The following NCAM1 variants were observed in gnomAD, a reference collection of about 807,000 sequenced individuals.
The protein encoded by NCAM1 is neural cell adhesion molecule 1, also known as antigen recognized by monoclonal antibody 5.1H11.
Under a neutral mutation model 109.8 loss-of-function variants are expected in NCAM1, and 14 were observed. That is an observed-to-expected ratio of 0.13 (90% CI 0.08 to 0.20). NCAM1 has a LOEUF of 0.20. Among genes scored for constraint, NCAM1 ranks in the 10% least tolerant of loss-of-function variants. The pLI, the probability that NCAM1 is intolerant of heterozygous loss-of-function variation, is 1.00. For synonymous variants in NCAM1, 418 were observed against 442.9 expected, an observed-to-expected ratio of 0.94 and a Z score of 0.70; for missense variants, 774 against 1,109.9, an observed-to-expected ratio of 0.70 and a Z score of 4.30.
At chr11:113,259,705 T>C in intron 16 of NCAM1, among the ~76,000 whole-genome samples, 1 of 149,128 alleles carries the variant, frequency 6.7e-6, no homozygotes, top group African/African-American at 2.5e-5. Flanking sequence ...CATTGCTTTT[T>C]TTTTTTTTTT....
chr11:113,225,976 A>G (rs1468540330), intron 9 of NCAM1, among the ~76,000 whole-genome samples: 2 of 152,312 alleles, frequency 1.3e-5, no homozygotes, highest in Non-Finnish European at 2.9e-5. Context: ...CACTGCAAAA[A>G]CATGCCAAAT....
intron 1 of NCAM1, among the ~76,000 whole-genome samples, chr11:113,069,629 G>A (rs1221732136): frequency 6.6e-6 from 1 of 152,244 alleles, no homozygotes; most frequent in South Asian, 2.1e-4. Flanking sequence ...AGAGGCAGGT[G>A]CAAGTTTTTA....
chr11:113,212,290 T>G (rs1944411245), intron 7 of NCAM1, among the ~76,000 whole-genome samples: 1 of 152,194 alleles, frequency 6.6e-6, no homozygotes. Flanking sequence ...GTGGGAAGCT[T>G]CCCTTCCTTC....
rs1950641761 is a variant in NCAM1 at position 112,963,783 on chromosome 11, A to G, written c.52+2119A>G. Among the ~76,000 whole-genome samples, 2 of 152,232 alleles carry G rather than the reference A, an allele frequency of 1.3e-5. No homozygotes were observed. The highest frequency in any genetic ancestry group is 4.1e-4 in the South Asian group (2 of 4,822). ...TTCCATCATCGTGATGGGTACAGTCATCAGTATTTGGATCCCGTGGAAGTT... is the reference window on the plus strand; with the variant it reads ...TTCCATCATCGTGATGGGTACAGTCGTCAGTATTTGGATCCCGTGGAAGTT... On this transcript the variant is annotated intron_variant, in intron 1 of 19. Coordinates refer to ENST00000316851, the MANE Select transcript of NCAM1 (RefSeq NM_181351.5). The surrounding 1 kb of genome is among the most constrained non-coding windows in gnomAD (Gnocchi z 4.6).
At chr11:113,059,232 A>G (rs938319735) in intron 1 of NCAM1, among the ~76,000 whole-genome samples, 1 of 152,210 alleles carries the variant, frequency 6.6e-6, no homozygotes, top group Admixed American at 6.5e-5. Context: ...GAGCTCAACC[A>G]AAATCTCTTT....
intron 1 of NCAM1, among the ~76,000 whole-genome samples, chr11:113,145,274 T>C (rs1941975016): frequency 6.6e-6 from 1 of 152,228 alleles, no homozygotes; most frequent in Non-Finnish European, 1.5e-5. Flanking sequence ...GATTATTCTT[T>C]ATATTTGAAT....
chr11:113,007,994 T>TA (rs781266227), intron 1 of NCAM1, among the ~76,000 whole-genome samples: 5 of 152,246 alleles, frequency 3.3e-5, no homozygotes, highest in Non-Finnish European at 5.9e-5. Context: ...AGGTGGAAAA[T>TA]AAAAAAATTT....
intron 1 of NCAM1, among the ~76,000 whole-genome samples, chr11:113,012,940 T>G (rs1555074732): frequency 6.6e-6 from 1 of 152,106 alleles, no homozygotes; most frequent in Non-Finnish European, 1.5e-5. Context: ...AAAAGGATAA[T>G]GATGTCTACA....
At chr11:113,231,591 C>T (rs1296475099) in intron 9 of NCAM1, 54 bp from the exon 10 acceptor site, 2 of 1,573,250 alleles carry the variant, frequency 1.3e-6, no homozygotes, top group Middle Eastern at 2.0e-4. Flanking sequence ...AGCACTGTTG[C>T]CCTTCACCCT....
intron 1 of NCAM1, chr11:113,197,210 G>A: frequency 7.6e-6 from 2 of 261,836 alleles, no homozygotes; most frequent in South Asian, 3.6e-5. Context: ...TTCGTGATGA[G>A]ATTTGGGTGG....
chr11:113,186,646 G>A (rs1302896413), intron 1 of NCAM1, among the ~76,000 whole-genome samples: 6 of 152,150 alleles, frequency 3.9e-5, no homozygotes, highest in African/African-American at 1.4e-4. Flanking sequence ...GCACTCTGGG[G>A]GCCTGGGTTG....
intron 7 of NCAM1, among the ~76,000 whole-genome samples, chr11:113,208,589 T>G (rs1223544977): frequency 2.0e-5 from 3 of 151,948 alleles, no homozygotes; most frequent in Non-Finnish European, 4.4e-5. Flanking sequence ...CAAACTCACC[T>G]TCTCAGCGGC....
chr11:113,237,891 G>GATAT (rs1362698578), intron 14 of NCAM1, among the ~76,000 whole-genome samples: 1 of 31,356 alleles, frequency 3.2e-5, no homozygotes, highest in African/African-American at 9.1e-5. Flanking sequence ...TAGATATATA[G>GATAT]ATATAGATAT....
intron 1 of NCAM1, among the ~76,000 whole-genome samples, chr11:113,176,329 G>A (rs1219370568): frequency 6.6e-6 from 1 of 152,142 alleles, no homozygotes; most frequent in African/African-American, 2.4e-5. Context: ...AAGCAAAGGT[G>A]TATGGTAAAG....
Position 113,249,272 on chromosome 11 carries a change from G to A in NCAM1, c.1828+2902G>A, listed in dbSNP as rs552339628. On this transcript the variant is annotated intron_variant, in intron 15 of 19. Coordinates refer to ENST00000316851, the MANE Select transcript of NCAM1 (RefSeq NM_181351.5). ...CACAGCTGTGTGTCTGGATTGCCAC[G>A]ATCTCTGGCAGGTCGACACAGACTT... Among the ~76,000 whole-genome samples the A allele has an allele frequency of 3.8e-4, 58 of 152,232 alleles. 1 individual carries two copies. In the South Asian group the frequency reaches 3.9e-3, roughly 10 times the overall value.
intron 1 of NCAM1, among the ~76,000 whole-genome samples, chr11:113,065,665 A>G (rs373298416): frequency 6.6e-6 from 1 of 152,214 alleles, no homozygotes; most frequent in African/African-American, 2.4e-5. Context: ...GTACTCCTCA[A>G]ATCTGTCAAG....
intron 8 of NCAM1, among the ~76,000 whole-genome samples, chr11:113,216,442 G>A (rs985975948): frequency 5.9e-5 from 9 of 152,014 alleles, no homozygotes; most frequent in Admixed American, 6.5e-5. Flanking sequence ...GTGAGCCACC[G>A]CGCCCGGCCG....
intron 12 of NCAM1, 86 bp downstream of exon 12, chr11:113,232,900 A>G: frequency 7.9e-7 from 1 of 1,266,678 alleles, no homozygotes; most frequent in Non-Finnish European, 1.1e-6. Context: ...GAGTGATTCC[A>G]GGATATTGGG....
At chr11:113,195,396 C>A (rs1555110640) in intron 1 of NCAM1, among the ~76,000 whole-genome samples, 1 of 151,414 alleles carries the variant, frequency 6.6e-6, no homozygotes, top group Admixed American at 6.6e-5. Flanking sequence ...AATACACACA[C>A]ATATTTTTAT....
Sources: allele counts gnomAD v4.1 joint callset (sites outside exome capture counted in the v4.1 genomes callset), GRCh38; gene constraint gnomAD v4.1.1; non-coding constraint Gnocchi (gnomAD v3.1); transcripts MANE v1.5; gene names NCBI Gene and HGNC (gene_info 2026-07-23, HGNC 2026-07-21).